The following RBM19 variants were observed in gnomAD, a reference collection of about 807,000 sequenced individuals.
RBM19 encodes the protein RNA binding motif protein 19.
A neutral mutation model predicts 116.8 loss-of-function variants in RBM19; 94 were observed. That is an observed-to-expected ratio of 0.80 (90% CI 0.68 to 0.95). The LOEUF is 0.95. Among genes scored for constraint, RBM19 ranks in the 40% least tolerant of loss-of-function variants. The pLI is 0.00. For missense variants in RBM19, 1,161 were observed against 1,220.7 expected (o/e 0.95, Z 0.73); for synonymous variants, 475 against 494.1 (o/e 0.96, Z 0.51).
In RBM19 at chr12:113,920,597, A is replaced by G. The variant is rs777413861; in HGVS notation, c.2385+14T>C. The stretch of plus-strand genomic sequence containing the variant: ...AGTGCCTCCGTGGCCCTCAGCTGAG[A>G]ATCTTCACTTTACCTGGAGCTGCTT... On this transcript the variant is annotated intron_variant, in intron 19 of 23. Coordinates refer to ENST00000261741, the MANE Select transcript of RBM19 (RefSeq NM_016196.4). 6.2e-7 allele frequency: 1 copy of G among 1,612,124 alleles called. No homozygotes were observed. Among genetic ancestry groups the G allele is most frequent in the Non-Finnish European group, 8.5e-7 (1 of 1,178,294 alleles).
intron 16 of RBM19, among the ~76,000 whole-genome samples, chr12:113,936,032 AAAAAC>A (rs796220587): frequency 2.4e-4 from 26 of 109,016 alleles, no homozygotes; most frequent in African/African-American, 1.2e-3. Context: ...TCTGTCTCAA[AAAAAC>A]AAAACAAAAC....
At chr12:113,843,447 C>T (rs1876676104) in intron 23 of RBM19, among the ~76,000 whole-genome samples, 1 of 152,200 alleles carries the variant, frequency 6.6e-6, no homozygotes. Context: ...GACCTCAGAG[C>T]ACCATGGGTG....
At chr12:113,849,928 G>A (rs562939517) in intron 22 of RBM19, among the ~76,000 whole-genome samples, 4 of 152,290 alleles carry the variant, frequency 2.6e-5, no homozygotes, top group African/African-American at 7.2e-5. Context: ...TGGCACTTCT[G>A]GGAGACTGGA....
Position 113,875,519 on chromosome 12 carries a change from G to T in RBM19, c.2559-16623C>A, listed in dbSNP as rs139039919. Among the ~76,000 whole-genome samples, 133 of 152,306 alleles carry T rather than the reference G, an allele frequency of 8.7e-4. 1 individual carries two copies. The highest frequency in any genetic ancestry group is 3.0e-3 in the African/African-American group (126 of 41,576). On this transcript the variant is annotated intron_variant, in intron 21 of 23. Coordinates refer to ENST00000261741, the MANE Select transcript of RBM19 (RefSeq NM_016196.4). ...CTGGTTCCTGGTGGTGATAGGAAAA[G>T]GCAGAACATGTGAGTCAGAGCACGC...
intron 18 of RBM19, among the ~76,000 whole-genome samples, chr12:113,921,846 A>G (rs1352086870): frequency 6.6e-6 from 1 of 152,218 alleles, no homozygotes; most frequent in African/African-American, 2.4e-5. Context: ...ACTCTGAGTT[A>G]CTGACACTAT....
intron 21 of RBM19, among the ~76,000 whole-genome samples, chr12:113,905,864 A>G (rs1240987644): frequency 6.6e-6 from 1 of 152,226 alleles, no homozygotes; most frequent in African/African-American, 2.4e-5. Flanking sequence ...AAAATATTTG[A>G]CTTCCTGAAC....
chr12:113,830,952 T>C (rs1438627978), intron 23 of RBM19, among the ~76,000 whole-genome samples: 3 of 152,086 alleles, frequency 2.0e-5, no homozygotes, highest in Non-Finnish European at 4.4e-5. Context: ...AGGGTCCAGA[T>C]AGGAATATGA....
At chr12:113,926,130 T>A (rs2135876538) in intron 17 of RBM19, among the ~76,000 whole-genome samples, 1 of 152,192 alleles carries the variant, frequency 6.6e-6, no homozygotes, top group Non-Finnish European at 1.5e-5. Context: ...CCAGAGGGTG[T>A]CAGAGGGGCT....
intron 21 of RBM19, 27 bp from the exon 22 acceptor site, chr12:113,858,923 G>T: frequency 6.2e-7 from 1 of 1,606,042 alleles, no homozygotes; most frequent in Non-Finnish European, 8.5e-7. Context: ...AGACATAGGG[G>T]TTTAAGAATA....
chr12:113,885,000 T>C (rs1391337839), intron 21 of RBM19, among the ~76,000 whole-genome samples: 2 of 152,114 alleles, frequency 1.3e-5, no homozygotes, highest in African/African-American at 4.8e-5. Flanking sequence ...CACTAATAAA[T>C]GTCATGTGGG....
chr12:113,821,217 T>C (rs1460211358), downstream of RBM19, among the ~76,000 whole-genome samples: 1 of 152,160 alleles, frequency 6.6e-6, no homozygotes, highest in Non-Finnish European at 1.5e-5. Flanking sequence ...TGCTGAATCC[T>C]GCTCTGGGGG....
chr12:113,897,144 T>C (rs1881391593), intron 21 of RBM19, among the ~76,000 whole-genome samples: 3 of 152,240 alleles, frequency 2.0e-5, no homozygotes, highest in Admixed American at 2.0e-4. Flanking sequence ...CTCCATTTTA[T>C]AGATGCAGAT....
intron 5 of RBM19, among the ~76,000 whole-genome samples, chr12:113,958,391 G>T (rs1872163601): frequency 6.6e-6 from 1 of 152,092 alleles, no homozygotes. Flanking sequence ...GTTTCTGAAT[G>T]CTCAGGGTGA....
At chr12:113,831,768 G>A (rs537018543) in intron 23 of RBM19, among the ~76,000 whole-genome samples, 7 of 152,302 alleles carry the variant, frequency 4.6e-5, no homozygotes, top group Admixed American at 1.3e-4. Context: ...GAGAGTGTGC[G>A]GGATATTGCC....
chr12:113,952,201 T>C (rs536472411), intron 8 of RBM19, among the ~76,000 whole-genome samples: 1 of 152,310 alleles, frequency 6.6e-6, no homozygotes, highest in South Asian at 2.1e-4. Context: ...GGACTTGGCC[T>C]AGCAAACCCC....
intron 13 of RBM19, among the ~76,000 whole-genome samples, chr12:113,944,147 T>TGGAG (rs1398089668): frequency 2.2e-5 from 3 of 139,008 alleles, no homozygotes; most frequent in African/African-American, 8.0e-5. Flanking sequence ...TCACCTGGGC[T>TGGAG]GGAGTACAGT....
intron 22 of RBM19, among the ~76,000 whole-genome samples, chr12:113,849,476 G>C (rs1250533605): frequency 5.3e-5 from 8 of 152,370 alleles, no homozygotes; most frequent in Admixed American, 5.2e-4. Flanking sequence ...CAAACGCAAC[G>C]GGGATAGGAG....
intron 21 of RBM19, among the ~76,000 whole-genome samples, chr12:113,905,354 A>T (rs538203591): frequency 1.3e-5 from 2 of 152,220 alleles, no homozygotes; most frequent in African/African-American, 2.4e-5. Context: ...GAGGGGAAAG[A>T]ATGGTCTTTG....
chr12:113,952,114 C>G (rs1197063550), intron 8 of RBM19, among the ~76,000 whole-genome samples: 1 of 152,222 alleles, frequency 6.6e-6, no homozygotes, highest in Non-Finnish European at 1.5e-5. Context: ...GAGTATAAAC[C>G]TGCAGGGAGG....
Sources: gnomAD v4.1 joint callset for allele counts (sites outside exome capture counted in the v4.1 genomes callset) on GRCh38, gnomAD v4.1.1 for gene constraint, MANE v1.5 for transcripts, NCBI Gene and HGNC (gene_info 2026-07-23, HGNC 2026-07-21) for gene names.